Variants in ZNF493 observed in about 807,000 individuals in gnomAD.
The protein encoded by ZNF493 is zinc finger protein 493.
Under a neutral mutation model 12.2 loss-of-function variants are expected in ZNF493, and 11 were observed. That is an observed-to-expected ratio of 0.90 (90% CI 0.57 to 1.50). The LOEUF (loss-of-function observed/expected upper bound fraction) is 1.50. ZNF493 is among the 40% of genes most tolerant of loss of function. The pLI, the probability that ZNF493 is intolerant of heterozygous loss-of-function variation, is 0.00. For missense variants in ZNF493, 950 were observed against 906.6 expected, an observed-to-expected ratio of 1.05 and a Z score of -0.61; for synonymous variants, 286 against 302.6, an observed-to-expected ratio of 0.95 and a Z score of 0.57.
chr19:21,410,102 T>G (rs2030276088), intron 3 of ZNF493, among the ~76,000 whole-genome samples: 1 of 147,202 alleles, frequency 6.8e-6, no homozygotes, highest in African/African-American at 2.6e-5. Context: ...GCAACACTTT[T>G]GATGTGTTTA....
chr19:21,417,172 C>A (rs1568381472), intron 3 of ZNF493, among the ~76,000 whole-genome samples: 1 of 152,150 alleles, frequency 6.6e-6, no homozygotes, highest in African/African-American at 2.4e-5. Flanking sequence ...ACATTTTGGA[C>A]ATATTTCAGA....
Position 21,424,730 on chromosome 19 carries a change from G to T in ZNF493, c.2071G>T (p.Gly691Cys), listed in dbSNP as rs138915851. The T allele has an allele frequency of 6.2e-7, 1 of 1,613,028 alleles. No individual in the cohort carries two copies. Among genetic ancestry groups the T allele is most frequent in the Non-Finnish European group, 8.5e-7 (1 of 1,179,598 alleles). Residue 691 changes from glycine (G) to cysteine (C), a missense_variant, in exon 4 of 4, where the codon GGC becomes TGC. By Grantham distance (159) the Gly-to-Cys change is radical. Coordinates refer to ENST00000392288, the MANE Select transcript of ZNF493 (RefSeq NM_001076678.3). ...EEKPYKCEKCGKTFYRFSNLN... is the reference protein window; with the variant it reads ...EEKPYKCEKCCKTFYRFSNLN... ...GAAACCCTACAAATGTGAAAAATGT[G>T]GCAAAACTTTCTACCGATTCTCAAA... is the stretch of plus-strand genomic sequence containing the variant.
chr19:21,404,289 T>A (rs577930653), intron 1 of ZNF493, among the ~76,000 whole-genome samples: 2 of 152,344 alleles, frequency 1.3e-5, no homozygotes, highest in Non-Finnish European at 1.5e-5. Context: ...ATAATTTACT[T>A]TTTGAGGGGC....
intron 3 of ZNF493, among the ~76,000 whole-genome samples, chr19:21,406,098 T>C (rs775679028): frequency 4.6e-5 from 7 of 151,974 alleles, no homozygotes; most frequent in Non-Finnish European, 7.4e-5. Context: ...GGCAGTTGCC[T>C]GTAATCTCAG....
chr19:21,413,069 G>T, intron 3 of ZNF493: 1 of 291,682 alleles, frequency 3.4e-6, no homozygotes, highest in South Asian at 2.9e-5. Flanking sequence ...TGCAATTTAA[G>T]CTAAACATCC....
chr19:21,397,164 C>G lies in ZNF493; in HGVS notation c.-74C>G. The stretch of plus-strand genomic sequence containing the variant: ...TCTCTCTGCTGCCGGAGCTCCAGGT[C>G]TACCCTTCACTGCTCTGTGTCCTCA... On this transcript the variant is annotated 5_prime_UTR_variant, in exon 1 of 4. Transcript: ENST00000392288. The G allele has an allele frequency of 6.4e-7, 1 of 1,573,160 alleles. No homozygotes were observed. The highest frequency in any genetic ancestry group is 1.1e-5 in the South Asian group (1 of 90,250).
intron 1 of ZNF493, chr19:21,398,374 A>G (rs1380624791): frequency 1.1e-5 from 2 of 174,440 alleles, no homozygotes; most frequent in Non-Finnish European, 2.4e-5. Context: ...ACTGCATTGT[A>G]GTAAATCTCT....
chr19:21,426,866 A>G lies in ZNF493; in HGVS notation c.*1882A>G, dbSNP rs906375938. 7 of 167,058 alleles carry G rather than the reference A, an allele frequency of 4.2e-5. No individual in the cohort carries two copies. The highest frequency in any genetic ancestry group is 1.7e-4 in the African/African-American group (7 of 41,466). The allele number at this position is 167,058 out of a possible 1,614,324, so 10.3% of individuals were successfully genotyped here. On this transcript the variant is annotated 3_prime_UTR_variant, in exon 4 of 4. Coordinates refer to ENST00000392288, the MANE Select transcript of ZNF493 (RefSeq NM_001076678.3). ...AGTTCTGAGTATAGAAAATAAAACT[A>G]AAGTTGGTAGAAAAATTATTTGTAT... is the stretch of plus-strand genomic sequence containing the variant.
At chr19:21,421,398 A>G (rs1485314616) in intron 3 of ZNF493, among the ~76,000 whole-genome samples, 1 of 151,396 alleles carries the variant, frequency 6.6e-6, no homozygotes, top group Non-Finnish European at 1.5e-5. Context: ...AGAGTTTTGC[A>G]CTTGTTGCCC....
intron 3 of ZNF493, among the ~76,000 whole-genome samples, chr19:21,417,385 A>T (rs1245165120): frequency 3.9e-5 from 6 of 152,136 alleles, no homozygotes; most frequent in Admixed American, 3.3e-4. Context: ...AAAGGCCTGG[A>T]TATAATCAAC....
At chr19:21,413,552 T>A (rs552261159) in intron 3 of ZNF493, 6 of 403,516 alleles carry the variant, frequency 1.5e-5, no homozygotes, top group African/African-American at 1.0e-4. Flanking sequence ...ACGCTTGGGG[T>A]TGTCCTCAGC....
intron 3 of ZNF493, among the ~76,000 whole-genome samples, chr19:21,418,930 A>T (rs192500784): frequency 1.0e-3 from 156 of 152,298 alleles, no homozygotes; most frequent in Non-Finnish European, 1.8e-3. Flanking sequence ...TATGGCCATC[A>T]TGAACATGTT....
intron 3 of ZNF493, chr19:21,414,630 CTG>C (rs924991723): frequency 2.0e-5 from 3 of 152,178 alleles, no homozygotes; most frequent in African/African-American, 7.2e-5. Flanking sequence ...TTTCAATAAA[CTG>C]TGTGGAATGA....
intron 1 of ZNF493, among the ~76,000 whole-genome samples, chr19:21,399,847 C>T (rs370713074): frequency 4.9e-4 from 75 of 152,120 alleles, no homozygotes; most frequent in African/African-American, 1.7e-3. Context: ...TGAGAAAATG[C>T]GGTAGGTAAT....
At chr19:21,399,180 T>A (rs966122651) in intron 1 of ZNF493, among the ~76,000 whole-genome samples, 2 of 152,046 alleles carry the variant, frequency 1.3e-5, no homozygotes, top group Non-Finnish European at 1.5e-5. Flanking sequence ...TTTATTTTTA[T>A]TTTTTTGTCT....
Position 21,424,824 on chromosome 19 carries a change from T to C in ZNF493, c.2165T>C (p.Phe722Ser). Residue 722 changes from phenylalanine (F) to serine (S), a missense_variant, in exon 4 of 4, where the codon TTT becomes TCT. Phe to Ser is a radical substitution (Grantham distance 155). Transcript: ENST00000392288. The part of the protein sequence containing the change: ...PCKCEECGKA[F>S]NHSSNLIKHK... Reference sequence around the variant, plus strand: ...AAATGTGAAGAATGTGGCAAAGCTTTTAACCATTCCTCAAACCTTATTAAA... The same window carrying C: ...AAATGTGAAGAATGTGGCAAAGCTTCTAACCATTCCTCAAACCTTATTAAA... 1.2e-6 allele frequency: 2 copies of C among 1,613,536 alleles called. No homozygotes were observed. The highest frequency in any genetic ancestry group is 1.3e-5 in the African/African-American group (1 of 75,018).
At chr19:21,398,551 A>G in intron 1 of ZNF493, 1 of 358,220 alleles carries the variant, frequency 2.8e-6, no homozygotes, top group Non-Finnish European at 5.5e-6. Flanking sequence ...GATAACTGCC[A>G]TGGTTATGTT....
intron 3 of ZNF493, chr19:21,413,184 C>G (rs987930938): frequency 4.7e-5 from 15 of 320,472 alleles, no homozygotes; most frequent in Non-Finnish European, 4.6e-5. Flanking sequence ...TTTTTCTGGC[C>G]AGGTACTATT....
chr19:21,397,186 CT>C lies in ZNF493; in HGVS notation c.-51del. ...GGTCTACCCTTCACTGCTCTGTGTC[CT>C]CAGCGTGTGTGGCTTCGTGACCTGA... On this transcript the variant is annotated 5_prime_UTR_variant, in exon 1 of 4. Coordinates refer to ENST00000392288, the MANE Select transcript of ZNF493 (RefSeq NM_001076678.3). The C allele has an allele frequency of 1.2e-6, 2 of 1,610,408 alleles. No homozygotes were observed. Among genetic ancestry groups the C allele is most frequent in the South Asian group, 2.2e-5 (2 of 91,022 alleles).
Sources: gnomAD v4.1 joint callset for allele counts (sites outside exome capture counted in the v4.1 genomes callset) on GRCh38, gnomAD v4.1.1 for gene constraint, MANE v1.5 for transcripts, NCBI Gene and HGNC (gene_info 2026-07-23, HGNC 2026-07-21) for gene names.